The following SLC2A9 variants were observed in gnomAD, a reference collection of about 807,000 sequenced individuals.
The protein encoded by SLC2A9 is solute carrier family 2 member 9.
Under a neutral mutation model 50.6 loss-of-function variants are expected in SLC2A9, and 39 were observed. That is an observed-to-expected ratio of 0.77 (90% confidence interval 0.60 to 1.01). The LOEUF is 1.01. Among genes scored for constraint, SLC2A9 ranks in the 50% least tolerant of loss-of-function variants. The probability of loss-of-function intolerance (pLI) is 0.00; values close to 1 mark genes in which losing one functional copy is unlikely to be tolerated. For missense variants in SLC2A9, 686 were observed against 677.6 expected (o/e 1.01, Z -0.14); for synonymous variants, 324 against 276.9 (o/e 1.17, Z -1.69).
chr4:9,835,505 G>A (rs1050843605), intron 10 of SLC2A9, among the ~76,000 whole-genome samples: 1 of 152,198 alleles, frequency 6.6e-6, no homozygotes, highest in Non-Finnish European at 1.5e-5. Flanking sequence ...GGTAATGGAT[G>A]GGAAATCCCT....
At chr4:9,772,087 T>A (rs756807737) in intron 1 of SLC2A9, among the ~76,000 whole-genome samples, 1 of 152,192 alleles carries the variant, frequency 6.6e-6, no homozygotes, top group Non-Finnish European at 1.5e-5. Context: ...ATAGGGAGTA[T>A]GAAGAACACT....
intron 11 of SLC2A9, among the ~76,000 whole-genome samples, chr4:9,827,145 A>G (rs190818986): frequency 1.1e-3 from 164 of 152,332 alleles, no homozygotes; most frequent in African/African-American, 3.7e-3. Context: ...GAAATGCTCA[A>G]TGCAATCACT....
chr4:10,011,070 AC>A (rs1761686450), intron 2 of SLC2A9, among the ~76,000 whole-genome samples: 1 of 151,994 alleles, frequency 6.6e-6, no homozygotes, highest in South Asian at 2.1e-4. Flanking sequence ...CTACTCTTGA[AC>A]CCCTCACCCT....
At chr4:9,961,868 TCAAA>T (rs1236175310) in intron 5 of SLC2A9, among the ~76,000 whole-genome samples, 2 of 151,836 alleles carry the variant, frequency 1.3e-5, no homozygotes, top group Non-Finnish European at 2.9e-5. Flanking sequence ...TTTATAAAAA[TCAAA>T]CAAACAAACA....
intron 5 of SLC2A9, among the ~76,000 whole-genome samples, chr4:9,967,419 T>G (rs1462042468): frequency 1.3e-5 from 2 of 152,070 alleles, no homozygotes; most frequent in Non-Finnish European, 2.9e-5. Flanking sequence ...AATATTTGTA[T>G]GTGATAGTTT....
intron 2 of SLC2A9, among the ~76,000 whole-genome samples, chr4:10,010,041 TG>T (rs1761496962): frequency 6.6e-6 from 1 of 152,156 alleles, no homozygotes; most frequent in Non-Finnish European, 1.5e-5. Flanking sequence ...TAACTCAGGA[TG>T]GGGGTTGGCC....
intron 10 of SLC2A9, among the ~76,000 whole-genome samples, chr4:9,838,377 G>T (rs1290715194): frequency 2.0e-5 from 3 of 152,012 alleles, no homozygotes; most frequent in Non-Finnish European, 4.4e-5. Context: ...ACAAACAAAT[G>T]GAAAAACATT....
At chr4:9,915,603 G>A (rs938577033) in intron 7 of SLC2A9, among the ~76,000 whole-genome samples, 24 of 152,266 alleles carry the variant, frequency 1.6e-4, no homozygotes, top group East Asian at 3.9e-4. Flanking sequence ...ACTGAGGCAC[G>A]GAGGAGTCAT....
chr4:9,867,274 G>C (rs1255344649), intron 10 of SLC2A9, among the ~76,000 whole-genome samples: 1 of 152,204 alleles, frequency 6.6e-6, no homozygotes, highest in Non-Finnish European at 1.5e-5. Flanking sequence ...AAGAAAGAAA[G>C]TAGACGCAGT....
chr4:10,026,571 AG>A (rs1763760425), intron 1 of SLC2A9, among the ~76,000 whole-genome samples: 1 of 152,266 alleles, frequency 6.6e-6, no homozygotes, highest in Admixed American at 6.5e-5. Context: ...GAATGTTCAC[AG>A]CAATGATATT....
chr4:9,971,147 C>T (rs1200531045), intron 5 of SLC2A9, among the ~76,000 whole-genome samples: 4 of 152,186 alleles, frequency 2.6e-5, no homozygotes, highest in Admixed American at 6.5e-5. Flanking sequence ...CTTCCTTCTA[C>T]AATTCATTGT....
chr4:9,806,676 G>A (rs956096649), intron 3 of SLC2A9, among the ~76,000 whole-genome samples: 1 of 152,226 alleles, frequency 6.6e-6, no homozygotes, highest in African/African-American at 2.4e-5. Flanking sequence ...GTGTGCATGG[G>A]GGGTGGGAGG....
intron 5 of SLC2A9, among the ~76,000 whole-genome samples, chr4:9,953,665 C>G (rs188194953): frequency 1.8e-3 from 275 of 152,316 alleles, no homozygotes; most frequent in African/African-American, 6.3e-3. Context: ...CTCTGTTACC[C>G]AGGCTGGAGT....
chr4:10,026,344 T>A (rs193048169), upstream of SLC2A9, among the ~76,000 whole-genome samples: 2,080 of 152,252 alleles, frequency 0.014, 40 homozygotes, highest in African/African-American at 0.046. Flanking sequence ...TATTTTTTTT[T>A]TAAAAATCAA....
chr4:9,930,749 C>T (rs6856280), intron 6 of SLC2A9, among the ~76,000 whole-genome samples: 32 of 152,190 alleles, frequency 2.1e-4, no homozygotes, highest in African/African-American at 7.2e-4. Context: ...GGCAAGAGCT[C>T]TGATGTGTGG....
intron 6 of SLC2A9, among the ~76,000 whole-genome samples, chr4:9,921,834 A>C (rs1213520527): frequency 6.6e-6 from 1 of 152,242 alleles, no homozygotes; most frequent in Admixed American, 6.5e-5. Flanking sequence ...GTGATAAAAT[A>C]ACTCTAGACT....
In SLC2A9 at chr4:9,971,895, C is replaced by T. The variant is rs149599395; in HGVS notation, c.681+8697G>A. 7.9e-5 allele frequency among the ~76,000 whole-genome samples: 12 copies of T among 152,330 alleles called. No individual in the cohort carries two copies. The East Asian group carries it at 1.7e-3, about 22-fold the overall frequency. ...AACCTTACACGAGAAAATACTGCTG[C>T]GAGAACACCTGCCTAGCAACTGCCT... is the stretch of plus-strand genomic sequence containing the variant. On this transcript the variant is annotated intron_variant, in intron 5 of 11. Transcript: ENST00000264784.
intron 10 of SLC2A9, among the ~76,000 whole-genome samples, chr4:9,847,222 G>T (rs950472650): frequency 4.6e-5 from 7 of 152,210 alleles, no homozygotes; most frequent in African/African-American, 1.7e-4. Flanking sequence ...AGTTCTGCAC[G>T]GCTGGAGAAG....
intron 5 of SLC2A9, among the ~76,000 whole-genome samples, chr4:9,944,859 G>T (rs112754397): frequency 6.1e-4 from 93 of 152,274 alleles, no homozygotes; most frequent in African/African-American, 2.1e-3. Context: ...AGTGTGACTG[G>T]GTGTGTGGGT....
Sources: allele counts gnomAD v4.1 joint callset (sites outside exome capture counted in the v4.1 genomes callset), GRCh38; gene constraint gnomAD v4.1.1; transcripts MANE v1.5; gene names NCBI Gene and HGNC (gene_info 2026-07-23, HGNC 2026-07-21).